The following DST variants were observed in gnomAD, a reference collection of about 807,000 sequenced individuals.
The protein encoded by DST is bullous pemphigoid antigen.
In DST, 253 loss-of-function variants were observed where a neutral mutation model predicts 875.2. The observed-to-expected ratio is 0.29, with a 90% confidence interval of 0.26 to 0.32. The LOEUF is 0.32. Ranked by LOEUF, DST falls within the 10% of genes least tolerant of loss-of-function variation. The probability of loss-of-function intolerance (pLI) is 1.00; values close to 1 mark genes in which losing one functional copy is unlikely to be tolerated. For synonymous variants in DST, 3,124 were observed against 3,197.1 expected (o/e 0.98, Z 0.77); for missense variants, 8,287 against 9,111.6 (o/e 0.91, Z 3.68).
At chr6:56,616,219 C>A (rs139278045) in intron 36 of DST, 2 of 1,613,964 alleles carry the variant, frequency 1.2e-6, no homozygotes, top group African/African-American at 2.7e-5. Flanking sequence ...ACTTTTTGAC[C>A]AAGGCTTTGT....
chr6:56,577,312 T>C (rs979349532), intron 50 of DST, among the ~76,000 whole-genome samples: 1 of 152,214 alleles, frequency 6.6e-6, no homozygotes, highest in East Asian at 1.9e-4. Flanking sequence ...CATATCCTTA[T>C]ACCCAAGTCC....
At chr6:56,617,233 A>T in intron 36 of DST, 1 of 1,607,050 alleles carries the variant, frequency 6.2e-7, no homozygotes, top group Admixed American at 1.7e-5. Flanking sequence ...CTGAACATGC[A>T]TGATCACCAT....
chr6:56,604,676 T>C lies in DST; in HGVS notation c.9952A>G (p.Asn3318Asp). The change falls in exon 40 of 104, where the codon AAT (asparagine) becomes GAT (aspartate). Residue 3318 changes from asparagine to aspartate, a missense_variant. This residue lies in a region of DST where 3,138 missense variants were observed against 3,116.6 expected (regional missense o/e 1.01). Coordinates refer to ENST00000680361, the MANE Select transcript of DST (RefSeq NM_001374736.1). ...TGTTGCTCAATTCTTTCTTTCTTAT[T>C]ATTAATTTCTAAGAATGAATAGTCA... ...NTDYSFLEIN[N>D]KKERIEQQLP... The C allele has an allele frequency of 1.2e-6, 2 of 1,611,696 alleles. No homozygotes were observed. The highest frequency in any genetic ancestry group is 1.7e-6 in the Non-Finnish European group (2 of 1,178,536).
At chr6:56,497,826 A>C (rs2095973948) in intron 81 of DST, 30 bp downstream of exon 81, 1 of 1,553,040 alleles carries the variant, frequency 6.4e-7, no homozygotes, top group East Asian at 2.3e-5. Context: ...GAATGCTATA[A>C]AAACTTTCAG....
At chr6:56,537,391 T>C (rs1303109096) in intron 61 of DST, among the ~76,000 whole-genome samples, 2 of 152,206 alleles carry the variant, frequency 1.3e-5, no homozygotes, top group African/African-American at 4.8e-5. Flanking sequence ...TGCTGCTAGC[T>C]GGCAACTGAA....
At chr6:56,511,910 AAGTT>A (rs1392943599) in intron 72 of DST, among the ~76,000 whole-genome samples, 4 of 152,080 alleles carry the variant, frequency 2.6e-5, no homozygotes, top group African/African-American at 9.7e-5. Context: ...AGCTCAATAT[AAGTT>A]AGATGCAATG....
intron 64 of DST, among the ~76,000 whole-genome samples, chr6:56,531,919 A>G (rs1584242262): frequency 1.3e-5 from 2 of 152,162 alleles, no homozygotes; most frequent in East Asian, 3.9e-4. Flanking sequence ...TTCCTGTGAT[A>G]TGCTCCCACA....
intron 1 of DST, among the ~76,000 whole-genome samples, 200 bp downstream of exon 1, chr6:56,954,207 G>A (rs1824009835): frequency 6.6e-6 from 1 of 152,130 alleles, no homozygotes; most frequent in Admixed American, 6.5e-5. Flanking sequence ...GCATCGCCGT[G>A]GTTATTCAAA....
At chr6:56,620,501 T>C (rs771388938) in intron 36 of DST, 11 of 1,614,132 alleles carry the variant, frequency 6.8e-6, no homozygotes, top group Non-Finnish European at 9.3e-6. Flanking sequence ...ATCTTCTACA[T>C]TTCTCTGCTG....
chr6:56,485,526 T>G, intron 87 of DST, 55 bp from the exon 88 acceptor site: 1 of 1,529,450 alleles, frequency 6.5e-7, no homozygotes, highest in Non-Finnish European at 8.9e-7. Context: ...CACTCATATA[T>G]CTGAACATCT....
rs1003908769 is a variant in DST at position 56,632,982 on chromosome 6, C to T, written c.3677G>A (p.Arg1226His). 6.8e-6 allele frequency: 11 copies of T among 1,613,900 alleles called. No individual in the cohort carries two copies. Among genetic ancestry groups the T allele is most frequent in the East Asian group, 2.2e-5 (1 of 44,834 alleles). Residue 1226 changes from arginine (R) to histidine (H), a missense_variant, in exon 28 of 104, where the codon CGT becomes CAT. Arg to His is a conservative substitution (Grantham distance 29). This residue lies in a region of DST where 3,138 missense variants were observed against 3,116.6 expected (regional missense o/e 1.01). Coordinates refer to ENST00000680361, the MANE Select transcript of DST (RefSeq NM_001374736.1). ...GCTATCTTCCAGAAAATCTTCAAAA[C>T]GAGATTGTAGATTACTTAGAACTTG... Reference protein sequence around the residue: ...HQQVLSNLQSRFEDFLEDSQE... With the variant: ...HQQVLSNLQSHFEDFLEDSQE...
intron 78 of DST, 99 bp from the exon 79 acceptor site, chr6:56,501,792 T>A: frequency 1.2e-6 from 1 of 846,422 alleles, no homozygotes; most frequent in Non-Finnish European, 1.7e-6. Context: ...TCACACTACT[T>A]ACTGAGGGGA....
chr6:56,511,315 C>T lies in DST; in HGVS notation c.18662G>A (p.Gly6221Glu). 2 of 1,606,784 alleles carry T rather than the reference C, an allele frequency of 1.2e-6. No individual in the cohort carries two copies. The highest frequency in any genetic ancestry group is 8.5e-7 in the Non-Finnish European group (1 of 1,176,434). The change falls in exon 73 of 104, where the codon GGG becomes GAG. Residue 6221 changes from glycine (G) to glutamate (E), a missense_variant. Physicochemically the swap from Gly to Glu is moderately conservative, Grantham distance 98 (BLOSUM62 -2). Coordinates refer to ENST00000680361, the MANE Select transcript of DST (RefSeq NM_001374736.1). ...CTTCTCTTGGATAGAAAAGCCTTCC[C>T]CAGGGCTCAATTCCAGTAACTGTGG... is the stretch of plus-strand genomic sequence containing the variant. ...TGPQLLELSP[G>E]EGFSIQEKYV...
Position 56,568,504 on chromosome 6 carries a change from G to A in DST, c.13970C>T (p.Thr4657Ile). The A allele has an allele frequency of 6.2e-7, 1 of 1,610,838 alleles. No homozygotes were observed. The highest frequency in any genetic ancestry group is 8.5e-7 in the Non-Finnish European group (1 of 1,178,900). The change falls in exon 55 of 104, where the codon ACC becomes ATC. Residue 4657 changes from threonine (T) to isoleucine (I), a missense_variant. Coordinates refer to ENST00000680361, the MANE Select transcript of DST (RefSeq NM_001374736.1). ...ISLCNLISAVTTPAKAIAAVK... is the reference protein window; with the variant it reads ...ISLCNLISAVITPAKAIAAVK... ...TGCTGCTATTGCCTTTGCAGGGGTGGTCACAGCACTTATTAAGTTACATAG... is the reference window on the plus strand; with the variant it reads ...TGCTGCTATTGCCTTTGCAGGGGTGATCACAGCACTTATTAAGTTACATAG...
intron 9 of DST, among the ~76,000 whole-genome samples, chr6:56,674,196 A>G (rs2099116882): frequency 6.6e-6 from 1 of 152,230 alleles, no homozygotes; most frequent in Admixed American, 6.5e-5. Context: ...AGTGATAATC[A>G]GAGAGGGTTT....
chr6:56,816,857 C>T (rs1290018426), intron 4 of DST, among the ~76,000 whole-genome samples: 1 of 150,280 alleles, frequency 6.7e-6, no homozygotes, highest in Admixed American at 6.6e-5. Context: ...CAGAATATTC[C>T]TACCATATAT....
intron 36 of DST, chr6:56,619,999 T>C: frequency 1.2e-6 from 2 of 1,614,144 alleles, no homozygotes; most frequent in East Asian, 4.5e-5. Context: ...CTGCCCTGCA[T>C]GATGTAGCCT....
intron 4 of DST, among the ~76,000 whole-genome samples, chr6:56,784,343 C>T (rs553300437): frequency 7.9e-4 from 121 of 152,342 alleles, no homozygotes; most frequent in African/African-American, 2.9e-3. Flanking sequence ...TCCATTCTCC[C>T]CGTCACTTTC....
Position 56,717,014 on chromosome 6 carries a change from T to C in DST, c.688-12645A>G, listed in dbSNP as rs531500714. Among the ~76,000 whole-genome samples the C allele has an allele frequency of 1.5e-3, 231 of 151,744 alleles. 1 individual carries two copies. Among genetic ancestry groups the C allele is most frequent in the African/African-American group, 5.4e-3 (223 of 41,210 alleles). On this transcript the variant is annotated intron_variant, in intron 5 of 103. Transcript: ENST00000680361. ...GGCTAACACGGTGAAACCCCATCTC[T>C]ACTAAAAAAATACAAAAAATTAGCT...
Sources: gnomAD v4.1 joint callset for allele counts (sites outside exome capture counted in the v4.1 genomes callset) on GRCh38, gnomAD v4.1.1 for gene constraint, gnomAD v4.1.1 regional missense constraint, MANE v1.5 for transcripts, NCBI Gene and HGNC (gene_info 2026-07-23, HGNC 2026-07-21) for gene names.